The following CYP2C19 variants were observed in gnomAD, a reference collection of about 807,000 sequenced individuals.
CYP2C19 encodes the protein cytochrome P450 family 2 subfamily C member 19.
In CYP2C19, 59 loss-of-function variants were observed where a neutral mutation model predicts 40.9. The ratio of observed to expected loss-of-function variants is 1.44; its 90% CI spans 1.17 to 1.79. The LOEUF (loss-of-function observed/expected upper bound fraction) is 1.79, where lower values mean the gene tolerates loss of function less well. Among genes scored for constraint, CYP2C19 ranks in the 40% most tolerant of loss-of-function variants. The pLI, the probability that CYP2C19 is intolerant of heterozygous loss-of-function variation, is 0.00. For synonymous variants in CYP2C19, 253 were observed against 208.7 expected (o/e 1.21, Z -1.83); for missense variants, 754 against 596.9 (o/e 1.26, Z -2.74).
chr10:94,776,994 C>T (rs1418823058), intron 3 of CYP2C19, among the ~76,000 whole-genome samples: 1 of 151,962 alleles, frequency 6.6e-6, no homozygotes, highest in Admixed American at 6.6e-5. Flanking sequence ...ACAAGCATTC[C>T]TATACACCAA....
At chr10:94,772,822 C>A (rs551975360) in intron 1 of CYP2C19, among the ~76,000 whole-genome samples, 1 of 152,164 alleles carries the variant, frequency 6.6e-6, no homozygotes, top group Non-Finnish European at 1.5e-5. Flanking sequence ...TCGCCCAGGC[C>A]GGACTGCGGA....
intron 6 of CYP2C19, among the ~76,000 whole-genome samples, chr10:94,821,549 A>C (rs1213402067): frequency 6.6e-6 from 1 of 152,334 alleles, no homozygotes; most frequent in South Asian, 2.1e-4. Context: ...GATGTACCTG[A>C]GACAGTTTCT....
At chr10:94,809,745 A>G (rs1049963237) in intron 5 of CYP2C19, among the ~76,000 whole-genome samples, 4 of 152,116 alleles carry the variant, frequency 2.6e-5, no homozygotes, top group African/African-American at 7.2e-5. Context: ...TTCCATCAAA[A>G]TCTAGTTTAT....
At chr10:94,823,545 C>T (rs538388968) in intron 6 of CYP2C19, among the ~76,000 whole-genome samples, 1 of 152,218 alleles carries the variant, frequency 6.6e-6, no homozygotes, top group East Asian at 1.9e-4. Context: ...AAATTATCTT[C>T]AATGTCTAAC....
chr10:94,771,883 G>T (rs1848338373), intron 1 of CYP2C19, among the ~76,000 whole-genome samples: 1 of 152,116 alleles, frequency 6.6e-6, no homozygotes, highest in South Asian at 2.1e-4. Flanking sequence ...TAGACCAGAA[G>T]GAGGACTGAG....
In CYP2C19 at chr10:94,807,962, T is replaced by C. The variant is rs187367234; in HGVS notation, c.820-12534T>C. On this transcript the variant is annotated intron_variant, in intron 5 of 8. Transcript: ENST00000371321. Reference sequence around the variant, plus strand: ...TTATCCATTGCCAAGACCAATACTCTGAAGCATTTCTCCTGTTTTTCTTCT... The same window carrying C: ...TTATCCATTGCCAAGACCAATACTCCGAAGCATTTCTCCTGTTTTTCTTCT... Among the ~76,000 whole-genome samples, 237 of 152,274 alleles carry C rather than the reference T, an allele frequency of 1.6e-3. 1 individual carries two copies. The highest frequency in any genetic ancestry group is 2.7e-3 in the Non-Finnish European group (186 of 67,974).
At chr10:94,838,266 A>G (rs192898460) in intron 6 of CYP2C19, among the ~76,000 whole-genome samples, 2 of 152,232 alleles carry the variant, frequency 1.3e-5, no homozygotes, top group Admixed American at 6.5e-5. Context: ...CCTGTGGGGA[A>G]TCATTCTCTT....
intron 1 of CYP2C19, among the ~76,000 whole-genome samples, chr10:94,770,799 A>C (rs920904001): frequency 6.6e-6 from 1 of 152,098 alleles, no homozygotes; most frequent in Non-Finnish European, 1.5e-5. Context: ...CTCCTTCTAG[A>C]ACACTGGTCA....
chr10:94,813,039 A>G (rs1848950042), intron 5 of CYP2C19, among the ~76,000 whole-genome samples: 1 of 150,766 alleles, frequency 6.6e-6, no homozygotes, highest in Non-Finnish European at 1.5e-5. Context: ...GTGACCTTTG[A>G]ATGGGTTTTT....
intron 5 of CYP2C19, among the ~76,000 whole-genome samples, chr10:94,797,355 G>T (rs1177796042): frequency 6.6e-6 from 1 of 152,068 alleles, no homozygotes; most frequent in Non-Finnish European, 1.5e-5. Context: ...CTTGATTGTG[G>T]TGGATAAGCT....
intron 5 of CYP2C19, among the ~76,000 whole-genome samples, chr10:94,817,264 T>G (rs1254148755): frequency 9.4e-5 from 14 of 148,236 alleles, no homozygotes; most frequent in Admixed American, 6.7e-4. Context: ...TTTTAATGAT[T>G]GCCATTCTAA....
intron 3 of CYP2C19, among the ~76,000 whole-genome samples, chr10:94,780,223 C>CT (rs17885417): frequency 6.6e-6 from 1 of 152,018 alleles, no homozygotes; most frequent in African/African-American, 2.4e-5. Flanking sequence ...AAAAAAGTCT[C>CT]TTTTTTTCTT....
intron 1 of CYP2C19, 51 bp downstream of exon 1, chr10:94,762,924 T>C: frequency 6.5e-7 from 1 of 1,527,188 alleles, no homozygotes; most frequent in South Asian, 1.1e-5. Flanking sequence ...TTCACCTGTA[T>C]TTTTTAAATA....
rs945536523 is a variant in CYP2C19 at position 94,826,179 on chromosome 10, T to C, written c.961+5542T>C. ...TCCATATGAACTTTAAAGTAGTTTT[T>C]TCCAATTCTGTGAAGAAAGTCATTG... On this transcript the variant is annotated intron_variant, in intron 6 of 8. Coordinates refer to ENST00000371321, the MANE Select transcript of CYP2C19 (RefSeq NM_000769.4). 4.8e-4 allele frequency among the ~76,000 whole-genome samples: 73 copies of C among 152,168 alleles called. 1 individual carries two copies. The highest frequency in any genetic ancestry group is 3.9e-4 in the East Asian group (2 of 5,176).
At chr10:94,812,237 G>A (rs1044480537) in intron 5 of CYP2C19, among the ~76,000 whole-genome samples, 1 of 152,194 alleles carries the variant, frequency 6.6e-6, no homozygotes. Context: ...CTTCTCCAGA[G>A]AGATATGCTG....
chr10:94,840,286 TTGTCTCTCTCTC>T (rs751481202), intron 6 of CYP2C19, among the ~76,000 whole-genome samples: 60 of 151,924 alleles, frequency 3.9e-4, no homozygotes, highest in Admixed American at 1.3e-3. Context: ...GACTCCCTCT[TTGTCTCTCTCTC>T]TGTCTCTCTC....
chr10:94,842,955 C>T lies in CYP2C19; in HGVS notation c.1080C>T (p.Asp360=), dbSNP rs775381143. The change falls in exon 7 of 9, where the codon GAC becomes GAT. Residue 360 remains aspartate (D), a synonymous_variant. Transcript: ENST00000371321. ...AVVHEVQRYI[D]LIPTSLPHAV... is the part of the protein sequence containing the mutation. The stretch of plus-strand genomic sequence containing the variant: ...TGCACGAGGTCCAGAGATACATCGA[C>T]CTCATCCCCACCAGCCTGCCCCATG... 1 of 1,614,208 alleles carries T rather than the reference C, an allele frequency of 6.2e-7. No individual in the cohort carries two copies. The highest frequency in any genetic ancestry group is 2.2e-5 in the East Asian group (1 of 44,882).
intron 5 of CYP2C19, among the ~76,000 whole-genome samples, chr10:94,804,113 G>T (rs1362573691): frequency 6.6e-6 from 1 of 152,114 alleles, no homozygotes; most frequent in Non-Finnish European, 1.5e-5. Context: ...TGCTCTGAGT[G>T]CCTGGAGCTC....
chr10:94,852,731 A>G lies in CYP2C19; in HGVS notation c.1292-2A>G. 6.2e-7 allele frequency: 1 copy of G among 1,613,752 alleles called. No individual in the cohort carries two copies. Among genetic ancestry groups the G allele is most frequent in the Non-Finnish European group, 8.5e-7 (1 of 1,179,870 alleles). On this transcript the variant is annotated splice_acceptor_variant, in intron 8 of 8. Transcript: ENST00000371321. LOFTEE classifies it high-confidence loss of function. ...ACTTCTCCCTATGTTTGTTATTTTCAGGAAAACGGATTTGTGTGGGAGAGG... is the reference window on the plus strand; with the variant it reads ...ACTTCTCCCTATGTTTGTTATTTTCGGGAAAACGGATTTGTGTGGGAGAGG...
Sources: gnomAD v4.1 joint callset for allele counts (sites outside exome capture counted in the v4.1 genomes callset) on GRCh38, gnomAD v4.1.1 for gene constraint, MANE v1.5 for transcripts, NCBI Gene and HGNC (gene_info 2026-07-23, HGNC 2026-07-21) for gene names.